The following RBM47 variants were observed in gnomAD, a reference collection of about 807,000 sequenced individuals.
The protein encoded by RBM47 is RNA binding motif protein 47, also known as RNA-binding protein 47.
A neutral mutation model predicts 47.1 loss-of-function variants in RBM47; 21 were observed. That is an observed-to-expected ratio of 0.45 (90% CI 0.32 to 0.64). The LOEUF (loss-of-function observed/expected upper bound fraction) is 0.64, where lower values mean the gene tolerates loss of function less well. Among genes scored for constraint, RBM47 ranks in the 30% least tolerant of loss-of-function variants. RBM47 has a pLI of 0.05. For missense variants in RBM47, 708 were observed against 870.9 expected (o/e 0.81, Z 2.35); for synonymous variants, 375 against 361.7 (o/e 1.04, Z -0.42).
In RBM47 at chr4:40,558,809, C is replaced by T. The variant is rs57166149; in HGVS notation, c.-239-14303G>A. 3.2e-4 allele frequency among the ~76,000 whole-genome samples: 46 copies of T among 144,372 alleles called. No individual in the cohort carries two copies. In the East Asian group the frequency reaches 9.1e-3, roughly 29 times the overall value. 94.7% of individuals were successfully genotyped at this position (144,372 alleles called of 152,430 possible). On this transcript the variant is annotated intron_variant, in intron 1 of 6. Coordinates refer to ENST00000295971, the MANE Select transcript of RBM47 (RefSeq NM_001098634.2). The stretch of plus-strand genomic sequence containing the variant: ...TGCCACAGCACTCCAGCCTGGTCGA[C>T]AGAGTCAAACTCTGTCTAAAAAAAA...
At chr4:40,584,970 C>T (rs374730196) in intron 1 of RBM47, among the ~76,000 whole-genome samples, 3 of 152,104 alleles carry the variant, frequency 2.0e-5, no homozygotes, top group Admixed American at 6.6e-5. Context: ...CTAATGGAGG[C>T]GCAGTGACCA....
At chr4:40,526,088 T>C (rs1726679029) in intron 2 of RBM47, among the ~76,000 whole-genome samples, 1 of 152,158 alleles carries the variant, frequency 6.6e-6, no homozygotes, top group African/African-American at 2.4e-5. Flanking sequence ...CTCTCCCCCT[T>C]CATGGGACCT....
chr4:40,615,859 A>G (rs971573502), intron 1 of RBM47, among the ~76,000 whole-genome samples: 8 of 152,190 alleles, frequency 5.3e-5, no homozygotes, highest in Admixed American at 1.3e-4. Flanking sequence ...ATCTTATGCA[A>G]AACGAATAAC....
chr4:40,539,107 T>G (rs1243379272), intron 2 of RBM47, among the ~76,000 whole-genome samples: 1 of 152,162 alleles, frequency 6.6e-6, no homozygotes, highest in East Asian at 1.9e-4. Flanking sequence ...TTTCCCCTTC[T>G]TTGTAGTAAA....
At chr4:40,466,282 A>AG (rs1449162224) in intron 3 of RBM47, among the ~76,000 whole-genome samples, 11 of 144,884 alleles carry the variant, frequency 7.6e-5, no homozygotes, top group African/African-American at 2.3e-4. Context: ...AAAAAAAAAA[A>AG]AAAGAAAGAA....
At chr4:40,604,214 G>A (rs953025850) in intron 1 of RBM47, among the ~76,000 whole-genome samples, 1 of 152,200 alleles carries the variant, frequency 6.6e-6, no homozygotes, top group Admixed American at 6.5e-5. Context: ...ACCTGGCAGA[G>A]CCAAGTTCTG....
At chr4:40,573,783 A>G (rs149482129) in intron 1 of RBM47, among the ~76,000 whole-genome samples, 4,741 of 126,156 alleles carry the variant, frequency 0.038, 271 homozygotes, top group African/African-American at 0.15. Flanking sequence ...GAAAGAAAGA[A>G]AGAGAGAGAG....
chr4:40,486,069 C>CAAAAAAAAAAAAAAAAAA (rs201408070), intron 2 of RBM47, among the ~76,000 whole-genome samples: 1 of 62,818 alleles, frequency 1.6e-5, no homozygotes, highest in African/African-American at 5.0e-5. Flanking sequence ...AACCCTGTTT[C>CAAAAAAAAAAAAAAAAAA]AAAAAAAAAA....
intron 1 of RBM47, among the ~76,000 whole-genome samples, chr4:40,620,000 C>T (rs1485096294): frequency 6.6e-6 from 1 of 152,006 alleles, no homozygotes; most frequent in Non-Finnish European, 1.5e-5. Flanking sequence ...AGTTTGAGTC[C>T]AGCCTGGCCA....
intron 1 of RBM47, among the ~76,000 whole-genome samples, chr4:40,593,741 G>C: frequency 6.6e-6 from 1 of 152,026 alleles, no homozygotes; most frequent in East Asian, 1.9e-4. Context: ...AAAATTAGCT[G>C]GGCGTGGTGG....
intron 1 of RBM47, among the ~76,000 whole-genome samples, chr4:40,561,344 G>A (rs1327768821): frequency 6.7e-6 from 1 of 150,204 alleles, no homozygotes; most frequent in East Asian, 2.0e-4. Flanking sequence ...CGATTCTCCG[G>A]CCTCAGCATC....
At chr4:40,477,930 C>T (rs991535762) in intron 2 of RBM47, among the ~76,000 whole-genome samples, 6 of 151,622 alleles carry the variant, frequency 4.0e-5, no homozygotes, top group African/African-American at 1.2e-4. Context: ...GTAAAAGTGG[C>T]TCCTACTACA....
chr4:40,483,832 C>A (rs1324784647), intron 2 of RBM47, among the ~76,000 whole-genome samples: 2 of 152,002 alleles, frequency 1.3e-5, no homozygotes, highest in Non-Finnish European at 2.9e-5. Context: ...GCATCAAAAC[C>A]CTTCTAAAAA....
chr4:40,456,131 T>TA (rs1214209007), intron 3 of RBM47, among the ~76,000 whole-genome samples: 1 of 152,248 alleles, frequency 6.6e-6, no homozygotes, highest in Non-Finnish European at 1.5e-5. Context: ...ATGTTCTTTT[T>TA]ATCACTACTT....
At chr4:40,520,873 C>A (rs879384073) in intron 2 of RBM47, among the ~76,000 whole-genome samples, 27 of 152,210 alleles carry the variant, frequency 1.8e-4, no homozygotes, top group Non-Finnish European at 4.0e-4. Context: ...ATGGGGACAT[C>A]AACCGCTAGA....
At chr4:40,559,212 A>G (rs1381745077) in intron 1 of RBM47, among the ~76,000 whole-genome samples, 1 of 152,236 alleles carries the variant, frequency 6.6e-6, no homozygotes, top group Non-Finnish European at 1.5e-5. Flanking sequence ...TTTGGATTAT[A>G]TGGAAAAGCA....
intron 2 of RBM47, among the ~76,000 whole-genome samples, chr4:40,489,455 A>C (rs1230419924): frequency 6.6e-6 from 1 of 152,020 alleles, no homozygotes; most frequent in Non-Finnish European, 1.5e-5. Flanking sequence ...AAATGAAAAG[A>C]CTCAACTTAC....
intron 2 of RBM47, among the ~76,000 whole-genome samples, chr4:40,540,774 T>TTTTATTTA (rs543635221): frequency 6.7e-6 from 1 of 149,888 alleles, no homozygotes; most frequent in African/African-American, 2.4e-5. Flanking sequence ...AATTTATATA[T>TTTTATTTA]TTTATTTATT....
Position 40,438,802 on chromosome 4 carries a change from T to C in RBM47, c.92A>G (p.Asn31Ser). The change falls in exon 4 of 7, where the codon AAC becomes AGC. Residue 31 changes from asparagine to serine, a missense_variant. Coordinates refer to ENST00000295971, the MANE Select transcript of RBM47 (RefSeq NM_001098634.2). ...CATCAGCGCCAGCAGTGCTGCCTCGTTGGGCGCGCCCGCCACGCCCTCGGG... is the reference window on the plus strand; with the variant it reads ...CATCAGCGCCAGCAGTGCTGCCTCGCTGGGCGCGCCCGCCACGCCCTCGGG... Reference protein sequence around the residue: ...KVPEGVAGAPNEAALLALMER... With the variant: ...KVPEGVAGAPSEAALLALMER... 1 of 1,547,068 alleles carries C rather than the reference T, an allele frequency of 6.5e-7. No individual in the cohort carries two copies. Among genetic ancestry groups the C allele is most frequent in the East Asian group, 2.4e-5 (1 of 41,724 alleles).
Sources: gnomAD v4.1 joint callset for allele counts (sites outside exome capture counted in the v4.1 genomes callset) on GRCh38, gnomAD v4.1.1 for gene constraint, MANE v1.5 for transcripts, NCBI Gene and HGNC (gene_info 2026-07-23, HGNC 2026-07-21) for gene names.